The following AGMO variants were observed in gnomAD, a reference collection of about 807,000 sequenced individuals.
AGMO encodes the protein alkylglycerol monooxygenase.
AGMO carries 75 observed loss-of-function variants against 60.2 expected under a neutral mutation model. The ratio of observed to expected loss-of-function variants is 1.25; its 90% CI spans 1.03 to 1.51. The LOEUF is 1.51. Ranked by LOEUF, AGMO falls within the 40% of genes most tolerant of loss-of-function variation. AGMO has a pLI of 0.00. For synonymous variants in AGMO, 261 were observed against 177.1 expected, an observed-to-expected ratio of 1.47 and a Z score of -3.76; for missense variants, 763 against 525.5, an observed-to-expected ratio of 1.45 and a Z score of -4.42.
rs539876946 is a variant in AGMO at position 15,450,415 on chromosome 7, A to G, written c.410-19307T>C. Among the ~76,000 whole-genome samples, 7 of 149,872 alleles carry G rather than the reference A, an allele frequency of 4.7e-5. No homozygotes were observed. In the South Asian group the frequency reaches 6.3e-4, roughly 14 times the overall value. ...AGCCTGGGCAACAGAGCGAGTCTCCATCTCAAAAAAAAAAAAAAGAAAAAA... is the reference window on the plus strand; with the variant it reads ...AGCCTGGGCAACAGAGCGAGTCTCCGTCTCAAAAAAAAAAAAAAGAAAAAA... On this transcript the variant is annotated intron_variant, in intron 3 of 12. Coordinates refer to ENST00000342526, the MANE Select transcript of AGMO (RefSeq NM_001004320.2).
chr7:15,421,050 G>A (rs1230360611), intron 4 of AGMO, among the ~76,000 whole-genome samples: 1 of 152,142 alleles, frequency 6.6e-6, no homozygotes. Flanking sequence ...AAGTGAACGT[G>A]GCGAGCAGGG....
the AGMO span, among the ~76,000 whole-genome samples, chr7:15,129,056 T>A: frequency 6.6e-6 from 1 of 152,086 alleles, no homozygotes; most frequent in Non-Finnish European, 1.5e-5. Flanking sequence ...CCTATGTGAT[T>A]AGTTGGGAAG....
chr7:15,187,372 A>C, the AGMO span, among the ~76,000 whole-genome samples: 9 of 152,316 alleles, frequency 5.9e-5, no homozygotes, highest in South Asian at 8.3e-4. Context: ...ATAGATAAAA[A>C]AGGAAAATAA....
intron 12 of AGMO, among the ~76,000 whole-genome samples, chr7:15,237,474 G>A (rs1782459375): frequency 6.6e-6 from 1 of 151,874 alleles, no homozygotes; most frequent in South Asian, 2.1e-4. Flanking sequence ...ACTTCGGTTA[G>A]ACCTAGAGAG....
chr7:15,396,024 A>G (rs920922094), intron 5 of AGMO: 1 of 152,176 alleles, frequency 6.6e-6, no homozygotes, highest in Admixed American at 6.5e-5. Flanking sequence ...TCATCTCCCT[A>G]TTAAGCACAT....
At chr7:15,293,497 T>C (rs1054263991) in intron 12 of AGMO, among the ~76,000 whole-genome samples, 4 of 152,110 alleles carry the variant, frequency 2.6e-5, no homozygotes, top group African/African-American at 4.8e-5. Context: ...AAAGTTCAGA[T>C]TACCTCTATG....
At chr7:15,175,110 C>T in the AGMO span, among the ~76,000 whole-genome samples, 1 of 151,772 alleles carries the variant, frequency 6.6e-6, no homozygotes, top group African/African-American at 2.4e-5. Context: ...TGTTTTCAAG[C>T]AGTTAGACAA....
chr7:15,163,378 T>G, the AGMO span, among the ~76,000 whole-genome samples: 1 of 152,166 alleles, frequency 6.6e-6, no homozygotes, highest in South Asian at 2.1e-4. Flanking sequence ...GTGGTGAGAG[T>G]GGACATCTTT....
chr7:15,462,169 G>A (rs1782159762), intron 3 of AGMO, among the ~76,000 whole-genome samples: 1 of 152,080 alleles, frequency 6.6e-6, no homozygotes, highest in Non-Finnish European at 1.5e-5. Context: ...AAGTTTCGGA[G>A]AATATCAGAA....
intron 3 of AGMO, among the ~76,000 whole-genome samples, chr7:15,434,443 G>GTAGCTT (rs1781341774): frequency 6.6e-6 from 1 of 152,118 alleles, no homozygotes; most frequent in Non-Finnish European, 1.5e-5. Context: ...AAAGAAGACA[G>GTAGCTT]TAGCTTGTGT....
At chr7:15,479,913 G>T (rs1303473165) in intron 3 of AGMO, among the ~76,000 whole-genome samples, 1 of 152,112 alleles carries the variant, frequency 6.6e-6, no homozygotes, top group African/African-American at 2.4e-5. Flanking sequence ...TGTGCCCGTA[G>T]GAAGGATTTT....
At position 15,382,019 on chromosome 7, in the gene AGMO, T is replaced by TTGGAGGG. The variant is rs1783713865; in HGVS notation, c.1074+3420_1074+3426dup. On this transcript the variant is annotated intron_variant, in intron 10 of 12. Transcript: ENST00000342526. ...GAGGAACAACACACACTGGGGTCTA[T>TTGGAGGG]TGGAGGGTGGAGGGTGGGAGGAGGA... 2.0e-5 allele frequency among the ~76,000 whole-genome samples: 3 copies of TTGGAGGG among 152,082 alleles called. No individual in the cohort carries two copies. In the South Asian group the frequency reaches 6.2e-4, roughly 32 times the overall value.
At chr7:15,334,217 TTGAAA>T (rs1456727434) in intron 12 of AGMO, among the ~76,000 whole-genome samples, 1 of 151,690 alleles carries the variant, frequency 6.6e-6, no homozygotes, top group Non-Finnish European at 1.5e-5. Flanking sequence ...AAACATCATA[TTGAAA>T]TGACATATAG....
At chr7:15,172,553 G>A in the AGMO span, among the ~76,000 whole-genome samples, 2 of 152,088 alleles carry the variant, frequency 1.3e-5, no homozygotes, top group Admixed American at 6.6e-5. Flanking sequence ...TCAAGTTTCT[G>A]ATATTTATTG....
chr7:15,291,251 ACT>A (rs1784255036), intron 12 of AGMO, among the ~76,000 whole-genome samples: 1 of 152,298 alleles, frequency 6.6e-6, no homozygotes, highest in South Asian at 2.1e-4. Context: ...TTAAATATTA[ACT>A]CACACATACA....
intron 12 of AGMO, among the ~76,000 whole-genome samples, chr7:15,364,445 G>A (rs1782888080): frequency 1.3e-5 from 2 of 151,876 alleles, no homozygotes; most frequent in Non-Finnish European, 2.9e-5. Context: ...TGGTACTAAA[G>A]GGTTTCTTGT....
At chr7:15,420,765 T>C in intron 4 of AGMO, among the ~76,000 whole-genome samples, 1 of 152,066 alleles carries the variant, frequency 6.6e-6, no homozygotes, top group East Asian at 1.9e-4. Flanking sequence ...AAACTCAGAG[T>C]AACTTGGTAG....
chr7:15,397,452 C>G (rs887388236), intron 5 of AGMO, among the ~76,000 whole-genome samples: 1 of 152,146 alleles, frequency 6.6e-6, no homozygotes, highest in African/African-American at 2.4e-5. Context: ...GAGGGCCCCC[C>G]ACAGCGCAGC....
In AGMO at chr7:15,332,015, C is replaced by T. The variant is rs1303766281; in HGVS notation, c.1263+33499G>A. 2.6e-5 allele frequency among the ~76,000 whole-genome samples: 4 copies of T among 152,018 alleles called. No individual in the cohort carries two copies. In the East Asian group the frequency reaches 7.7e-4, roughly 29 times the overall value. ...TGCCCCAAAACCTCCAATGGGCAAT[C>T]TTCTACTTACCTTCAATTCTTCTTT... On this transcript the variant is annotated intron_variant, in intron 12 of 12. Coordinates refer to ENST00000342526, the MANE Select transcript of AGMO (RefSeq NM_001004320.2).
Sources: allele counts gnomAD v4.1 joint callset (sites outside exome capture counted in the v4.1 genomes callset), GRCh38; gene constraint gnomAD v4.1.1; transcripts MANE v1.5; gene names NCBI Gene and HGNC (gene_info 2026-07-23, HGNC 2026-07-21).